Variants in SASH1 observed in about 807,000 individuals in gnomAD.
SASH1 encodes SAM and SH3 domain containing 1.
SASH1 carries 44 observed loss-of-function variants against 125.2 expected under a neutral mutation model. The observed-to-expected ratio is 0.35, with a 90% CI of 0.28 to 0.45. SASH1 has a LOEUF of 0.45. SASH1 is among the 20% of genes least tolerant of loss of function. The pLI, the probability that SASH1 is intolerant of heterozygous loss-of-function variation, is 1.00. For synonymous variants in SASH1, 639 were observed against 649.1 expected (o/e 0.98, Z 0.24); for missense variants, 1,426 against 1,614.5 (o/e 0.88, Z 2.00).
intron 11 of SASH1, among the ~76,000 whole-genome samples, chr6:148,526,830 T>C (rs921999979): frequency 1.9e-4 from 29 of 152,074 alleles, no homozygotes; most frequent in African/African-American, 6.5e-4. Flanking sequence ...TTCTCCCCCA[T>C]TGCTGGGATT....
At chr6:148,462,881 G>GC (rs1372538163) in intron 4 of SASH1, among the ~76,000 whole-genome samples, 1 of 152,156 alleles carries the variant, frequency 6.6e-6, no homozygotes. Flanking sequence ...GCCCAGTTAT[G>GC]CCCTTGCCCA....
the SASH1 span, among the ~76,000 whole-genome samples, chr6:148,203,479 T>G: frequency 2.0e-5 from 3 of 152,360 alleles, no homozygotes; most frequent in African/African-American, 7.2e-5. Flanking sequence ...TGTGGGTTTC[T>G]TCCAATAATA....
intron 1 of SASH1, among the ~76,000 whole-genome samples, chr6:148,294,022 G>A (rs191773749): frequency 6.6e-6 from 1 of 152,348 alleles, no homozygotes; most frequent in Admixed American, 6.5e-5. Flanking sequence ...TTGAGACCTT[G>A]GCATGGATCT....
At chr6:148,457,392 C>T (rs1398033468) in intron 4 of SASH1, among the ~76,000 whole-genome samples, 1 of 152,118 alleles carries the variant, frequency 6.6e-6, no homozygotes, top group Non-Finnish European at 1.5e-5. Context: ...TAGTGAACCC[C>T]TTGACTCCAT....
upstream of SASH1, among the ~76,000 whole-genome samples, chr6:148,338,991 G>A (rs549609890): frequency 5.2e-4 from 66 of 126,430 alleles, no homozygotes; most frequent in Non-Finnish European, 3.2e-4. Flanking sequence ...GGCAATGAGC[G>A]AGACTCTGTC....
intron 1 of SASH1, among the ~76,000 whole-genome samples, chr6:148,377,180 A>C (rs1782939949): frequency 6.3e-5 from 4 of 63,804 alleles, no homozygotes; most frequent in Admixed American, 5.7e-4. Flanking sequence ...AAAAAAAAAA[A>C]AAACAAAAAA....
chr6:148,242,627 C>A, the SASH1 span, among the ~76,000 whole-genome samples: 1 of 152,196 alleles, frequency 6.6e-6, no homozygotes, highest in Non-Finnish European at 1.5e-5. Context: ...AGGTTATTTA[C>A]AAGTTAAGAG....
Position 148,544,510 on chromosome 6 carries a change from C to T in SASH1, c.3040C>T (p.Pro1014Ser), listed in dbSNP as rs765965521. The change falls in exon 18 of 20, where the codon CCC becomes TCC. Residue 1014 changes from proline (P) to serine (S), a missense_variant. By Grantham distance (74) the Pro-to-Ser change is moderately conservative (BLOSUM62 -1). Transcript: ENST00000367467. The surrounding 1 kb of genome is among the most constrained non-coding windows in gnomAD (Gnocchi z 6.4). ...PMGPSGALPS[P>S]DAPCLPVKRG... ...GGGCCCCAGTGGGGCCCTCCCCAGT[C>T]CCGATGCGCCATGCCTGCCAGTGAA... 1.9e-6 allele frequency: 3 copies of T among 1,613,652 alleles called. No homozygotes were observed. Among genetic ancestry groups the T allele is most frequent in the Non-Finnish European group, 2.5e-6 (3 of 1,180,016 alleles).
At chr6:148,445,151 ATCT>A (rs1345342781) in intron 4 of SASH1, among the ~76,000 whole-genome samples, 3 of 152,184 alleles carry the variant, frequency 2.0e-5, no homozygotes, top group African/African-American at 2.4e-5. Context: ...GGTTTTGGCA[ATCT>A]TCTTTACTGC....
chr6:148,390,783 G>A (rs961709662), intron 2 of SASH1, among the ~76,000 whole-genome samples: 2 of 148,408 alleles, frequency 1.3e-5, no homozygotes, highest in African/African-American at 2.5e-5. Context: ...GCAAGACTCC[G>A]TCTCAAAAAA....
chr6:148,484,163 T>A (rs546000725), intron 7 of SASH1, among the ~76,000 whole-genome samples: 5 of 152,172 alleles, frequency 3.3e-5, no homozygotes, highest in Non-Finnish European at 7.3e-5. Context: ...TTATAGTAAG[T>A]ACTAGTAGAA....
Position 148,440,374 on chromosome 6 carries a change from G to A in SASH1, c.353G>A (p.Cys118Tyr), listed in dbSNP as rs1776493593. 2 of 1,613,798 alleles carry A rather than the reference G, an allele frequency of 1.2e-6. No individual in the cohort carries two copies. The highest frequency in any genetic ancestry group is 1.3e-5 in the African/African-American group (1 of 74,824). The change falls in exon 4 of 20, where the codon TGT becomes TAT. Residue 118 changes from cysteine to tyrosine, a missense_variant. Cys to Tyr is a radical substitution (Grantham distance 194). Coordinates refer to ENST00000367467, the MANE Select transcript of SASH1 (RefSeq NM_015278.5). The part of the protein sequence containing the change: ...RSQIEESLGF[C>Y]SAVSTPEVER... ...CTCTCGTAGGAGTCGCTTGGCTTCTGTAGCGCCGTGTCAACCCCAGAAGTG... is the reference window on the plus strand; with the variant it reads ...CTCTCGTAGGAGTCGCTTGGCTTCTATAGCGCCGTGTCAACCCCAGAAGTG...
intron 8 of SASH1, among the ~76,000 whole-genome samples, chr6:148,504,777 T>C (rs1384384618): frequency 6.6e-6 from 1 of 152,088 alleles, no homozygotes; most frequent in African/African-American, 2.4e-5. Context: ...CCTCCTGTTT[T>C]CTGAAAGTCA....
At chr6:148,513,664 T>C in intron 8 of SASH1, 1 of 985,754 alleles carries the variant, frequency 1.0e-6, no homozygotes, top group Non-Finnish European at 1.2e-6. Flanking sequence ...CTGTACTGTA[T>C]GGCTGAAAGG....
intron 1 of SASH1, among the ~76,000 whole-genome samples, chr6:148,285,878 T>C (rs1009646501): frequency 6.6e-6 from 1 of 152,198 alleles, no homozygotes; most frequent in African/African-American, 2.4e-5. Flanking sequence ...ATTCTTTCTG[T>C]ATTACTGAAG....
intron 8 of SASH1, among the ~76,000 whole-genome samples, chr6:148,490,056 C>A (rs1779040486): frequency 8.7e-6 from 1 of 115,438 alleles, no homozygotes; most frequent in African/African-American, 3.0e-5. Flanking sequence ...ATCATGTCTT[C>A]TGCAAAAAAT....
chr6:148,233,139 A>C, the SASH1 span, among the ~76,000 whole-genome samples: 2 of 151,400 alleles, frequency 1.3e-5, no homozygotes, highest in Non-Finnish European at 2.9e-5. Context: ...GCTTGAACCC[A>C]GGAGGCGGAG....
intron 8 of SASH1, among the ~76,000 whole-genome samples, chr6:148,493,099 G>T (rs1779177181): frequency 6.6e-6 from 1 of 152,120 alleles, no homozygotes; most frequent in South Asian, 2.1e-4. Flanking sequence ...GTGATGATAG[G>T]CTAGTCAGCA....
chr6:148,303,030 G>C (rs1034143065), intron 1 of SASH1, among the ~76,000 whole-genome samples: 1 of 151,908 alleles, frequency 6.6e-6, no homozygotes, highest in African/African-American at 2.4e-5. Flanking sequence ...GCTCAGGCTG[G>C]AGTGCAATGG....
Sources: gnomAD v4.1 joint callset for allele counts (sites outside exome capture counted in the v4.1 genomes callset) on GRCh38, gnomAD v4.1.1 for gene constraint, Gnocchi (gnomAD v3.1) non-coding constraint, MANE v1.5 for transcripts, NCBI Gene and HGNC (gene_info 2026-07-23, HGNC 2026-07-21) for gene names.